Variants in CLEC12A observed in about 807,000 individuals in gnomAD.
CLEC12A encodes C-type lectin protein CLL-1.
CLEC12A carries 22 observed loss-of-function variants against 26.5 expected under a neutral mutation model. The ratio of observed to expected loss-of-function variants is 0.83; its 90% confidence interval spans 0.59 to 1.19. The LOEUF (loss-of-function observed/expected upper bound fraction) is 1.19. CLEC12A is among the 50% of genes most tolerant of loss of function. The pLI is 0.00. For missense variants in CLEC12A, 353 were observed against 315.6 expected, an observed-to-expected ratio of 1.12 and a Z score of -0.90; for synonymous variants, 119 against 101.9, an observed-to-expected ratio of 1.17 and a Z score of -1.01.
upstream of CLEC12A, among the ~76,000 whole-genome samples, chr12:9,971,021 G>C (rs1017887197): frequency 3.3e-5 from 5 of 152,118 alleles, no homozygotes; most frequent in Non-Finnish European, 7.4e-5. Context: ...GACACTAACT[G>C]TCTCATTCTC....
intron 1 of CLEC12A, among the ~76,000 whole-genome samples, chr12:9,955,504 T>TA (rs983914476): frequency 2.6e-4 from 39 of 152,320 alleles, no homozygotes; most frequent in African/African-American, 8.4e-4. Context: ...AGATAATTGC[T>TA]AAAAAAGTGA....
downstream of CLEC12A, among the ~76,000 whole-genome samples, chr12:9,990,373 A>T (rs1864864219): frequency 6.6e-6 from 1 of 152,212 alleles, no homozygotes; most frequent in South Asian, 2.1e-4. Flanking sequence ...ACATTAACAG[A>T]CACTTGGAAG....
intron 1 of CLEC12A, among the ~76,000 whole-genome samples, chr12:9,975,192 T>C (rs923116561): frequency 6.6e-6 from 1 of 152,018 alleles, no homozygotes; most frequent in African/African-American, 2.4e-5. Context: ...TTGGTACCAA[T>C]AGAGTAGGGC....
At chr12:9,992,671 G>A (rs1864919763) in intron 4 of CLEC12A, 1 of 152,564 alleles carries the variant, frequency 6.6e-6, no homozygotes, top group Non-Finnish European at 1.5e-5. Flanking sequence ...GTTCATGATT[G>A]TAATTTAGTT....
At chr12:9,984,214 CAAAT>C (rs1181151678) in intron 5 of CLEC12A, 1 of 152,446 alleles carries the variant, frequency 6.6e-6, no homozygotes, top group Non-Finnish European at 1.5e-5. Context: ...TATGTCACCA[CAAAT>C]AAATCTCATT....
At chr12:9,980,083 G>A (rs1864495256) in intron 3 of CLEC12A, among the ~76,000 whole-genome samples, 1 of 152,096 alleles carries the variant, frequency 6.6e-6, no homozygotes, top group Admixed American at 6.6e-5. Context: ...ATAGATAGGT[G>A]GGGTTAATTC....
intron 1 of CLEC12A, among the ~76,000 whole-genome samples, chr12:9,976,195 A>T (rs2401640): frequency 0.23 from 35,273 of 151,976 alleles, 5,134 homozygotes; most frequent in Non-Finnish European, 0.31. Context: ...AGCAGTGAGA[A>T]GTGGACCACC....
At chr12:9,965,981 G>T (rs1479810190) in intron 1 of CLEC12A, among the ~76,000 whole-genome samples, 5 of 152,158 alleles carry the variant, frequency 3.3e-5, no homozygotes, top group African/African-American at 7.2e-5. Flanking sequence ...AGGTGGCAAT[G>T]AGGTGTGGCT....
At chr12:9,987,816 A>T (rs1225853215), downstream of CLEC12A, among the ~76,000 whole-genome samples, 1 of 148,976 alleles carries the variant, frequency 6.7e-6, no homozygotes, top group Non-Finnish European at 1.5e-5. Context: ...TTATTTATTT[A>T]TTTTTTTTTG....
At chr12:9,974,072 G>T (rs1565555813) in intron 1 of CLEC12A, among the ~76,000 whole-genome samples, 1 of 151,964 alleles carries the variant, frequency 6.6e-6, no homozygotes, top group Non-Finnish European at 1.5e-5. Context: ...TTAGGCTTCT[G>T]CCCCCTTGGT....
At chr12:9,994,919 A>G in intron 4 of CLEC12A, 1 of 1,204,508 alleles carries the variant, frequency 8.3e-7, no homozygotes, top group South Asian at 1.4e-5. Flanking sequence ...TGGGAATAAT[A>G]TCAGAGATAA....
At chr12:9,954,925 G>C (rs1428092221) in intron 1 of CLEC12A, among the ~76,000 whole-genome samples, 1 of 152,124 alleles carries the variant, frequency 6.6e-6, no homozygotes, top group Non-Finnish European at 1.5e-5. Flanking sequence ...GATATTTAAA[G>C]GTGTCAGGGT....
intron 1 of CLEC12A, among the ~76,000 whole-genome samples, chr12:9,963,092 C>T (rs931755435): frequency 6.6e-6 from 1 of 151,922 alleles, no homozygotes; most frequent in Admixed American, 6.6e-5. Flanking sequence ...TTCGTGATGG[C>T]CTGGATACGG....
rs561963897 is a variant in CLEC12A at position 9,976,411 on chromosome 12, G to A, written c.92-2555G>A. ...TGTGAGATATAGAGCCAAAGGAGAT[G>A]ATTTTGGAGCTTTAAGATTTGGTGC... is the stretch of plus-strand genomic sequence containing the variant. On this transcript the variant is annotated intron_variant, in intron 1 of 5. Coordinates refer to ENST00000304361, the MANE Select transcript of CLEC12A (RefSeq NM_138337.6). Among the ~76,000 whole-genome samples, 25 of 152,326 alleles carry A rather than the reference G, an allele frequency of 1.6e-4. No individual in the cohort carries two copies. The East Asian group carries it at 4.2e-3, about 26-fold the overall frequency.
At chr12:9,963,594 C>T (rs571186693) in intron 1 of CLEC12A, among the ~76,000 whole-genome samples, 108 of 151,796 alleles carry the variant, frequency 7.1e-4, no homozygotes, top group African/African-American at 2.3e-3. Context: ...TCTTTTTTGT[C>T]GTGTCGGTGT....
At chr12:9,999,702 G>T (rs527272579), downstream of CLEC12A, among the ~76,000 whole-genome samples, 2 of 152,222 alleles carry the variant, frequency 1.3e-5, no homozygotes, top group East Asian at 3.9e-4. Context: ...TCCACATGAG[G>T]CAGGCCTGAT....
intron 1 of CLEC12A, among the ~76,000 whole-genome samples, chr12:9,963,233 G>C (rs890164322): frequency 2.0e-5 from 3 of 152,008 alleles, no homozygotes; most frequent in Non-Finnish European, 2.9e-5. Flanking sequence ...TTACTTACTT[G>C]GTTGGCAAGT....
At chr12:9,994,466 G>A (rs1864981303) in intron 4 of CLEC12A, among the ~76,000 whole-genome samples, 1 of 152,088 alleles carries the variant, frequency 6.6e-6, no homozygotes, top group African/African-American at 2.4e-5. Flanking sequence ...TTGGTTATCA[G>A]TTTAAATTTT....
At chr12:9,998,363 A>G (rs750629661), downstream of CLEC12A, 22 of 1,613,696 alleles carry the variant, frequency 1.4e-5, no homozygotes, top group Middle Eastern at 1.6e-4. Context: ...CGCCACCAGG[A>G]GGAGGATGCA....
Sources: allele counts gnomAD v4.1 joint callset (sites outside exome capture counted in the v4.1 genomes callset), GRCh38; gene constraint gnomAD v4.1.1; transcripts MANE v1.5; gene names NCBI Gene and HGNC (gene_info 2026-07-23, HGNC 2026-07-21).